USP50: variants seen among roughly 807,000 people sequenced by gnomAD.
The protein encoded by USP50 is ubiquitin specific peptidase 50.
In USP50, 37 loss-of-function variants were observed where a neutral mutation model predicts 39.2. That is an observed-to-expected ratio of 0.94 (90% CI 0.73 to 1.24). The LOEUF is 1.24. Ranked by LOEUF, USP50 falls within the 50% of genes most tolerant of loss-of-function variation. USP50 has a pLI of 0.00. For missense variants in USP50, 374 were observed against 398.2 expected (o/e 0.94, Z 0.52); for synonymous variants, 139 against 144.5 (o/e 0.96, Z 0.27).
Position 50,543,729 on chromosome 15 carries a change from C to T in USP50, c.313G>A (p.Asp105Asn). The change falls in exon 3 of 7, where the codon GAC (aspartate) becomes AAC (asparagine). Residue 105 changes from aspartate to asparagine, a missense_variant. By Grantham distance (23) the Asp-to-Asn change is conservative. Transcript: ENST00000532404. Reference protein sequence around the residue: ...LMTDMWLGDSDCVSPEIFWSA... With the variant: ...LMTDMWLGDSNCVSPEIFWSA... ...CAGAATATTTCTGGTGAGACACAGT[C>T]TGAGTCTCCCAGCCACATGTCTGTC... 2 of 1,611,036 alleles carry T rather than the reference C, an allele frequency of 1.2e-6. No homozygotes were observed. The highest frequency in any genetic ancestry group is 1.7e-6 in the Non-Finnish European group (2 of 1,178,432).
chr15:50,543,793 G>A lies in USP50; in HGVS notation c.249C>T (p.Asn83=), dbSNP rs1412495845. The stretch of plus-strand genomic sequence containing the variant: ...AAGCAGTGGCAACTTCACTGCAATC[G>A]CTTGGAAGAAGAAAGGGATATGTTT... The part of the protein sequence containing the change: ...LTGKYITALQ[N]DCSEVATAFA... The change falls in exon 3 of 7, where the codon AAC becomes AAT. Residue 83 remains asparagine, a splice_region_variant and synonymous_variant. Coordinates refer to ENST00000532404, the MANE Select transcript of USP50 (RefSeq NM_203494.5). 1.3e-5 allele frequency: 21 copies of A among 1,605,162 alleles called. No homozygotes were observed. The highest frequency in any genetic ancestry group is 2.2e-5 in the East Asian group (1 of 44,772).
intron 1 of USP50, among the ~76,000 whole-genome samples, chr15:50,495,482 T>C (rs981112563): frequency 3.8e-5 from 4 of 104,842 alleles, no homozygotes; most frequent in African/African-American, 1.3e-4. Context: ...TTAGTAGAGA[T>C]TGGAGGGGGG....
chr15:50,494,867 T>C (rs957644702), intron 1 of USP50, among the ~76,000 whole-genome samples: 1 of 152,076 alleles, frequency 6.6e-6, no homozygotes, highest in Non-Finnish European at 1.5e-5. Flanking sequence ...ATACAAAAAT[T>C]GGCTGGGTGT....
chr15:50,506,750 G>T (rs1206314440), intron 6 of USP50: 1 of 151,690 alleles, frequency 6.6e-6, no homozygotes, highest in East Asian at 1.9e-4. Context: ...ACGAGGTCAG[G>T]AGATCAAGAC....
chr15:50,546,048 C>A (rs2053068523), intron 1 of USP50, among the ~76,000 whole-genome samples: 1 of 151,648 alleles, frequency 6.6e-6, no homozygotes, highest in Non-Finnish European at 1.5e-5. Context: ...ACGGGACCTC[C>A]TCTCCCTGCA....
chr15:50,504,788 G>C (rs2052635190), intron 6 of USP50: 1 of 151,548 alleles, frequency 6.6e-6, no homozygotes, highest in Non-Finnish European at 1.5e-5. Context: ...GACCAACCTG[G>C]TACACATGGT....
At position 50,541,014 on chromosome 15, in the gene USP50, G is replaced by A. The variant is rs761883721; in HGVS notation, c.660+35C>T. 5 of 1,534,808 alleles carry A rather than the reference G, an allele frequency of 3.3e-6. No homozygotes were observed. In the African/African-American group the frequency reaches 5.5e-5, roughly 17 times the overall value. On this transcript the variant is annotated intron_variant, in intron 4 of 6. Transcript: ENST00000532404. Reference sequence around the variant, plus strand: ...GAGAAAATCCGGGGCTGAGAGTATAGCGAGACAAAGTGTCCAGGAATACTG... The same window carrying A: ...GAGAAAATCCGGGGCTGAGAGTATAACGAGACAAAGTGTCCAGGAATACTG...
chr15:50,539,853 C>A (rs1200756399), intron 4 of USP50, among the ~76,000 whole-genome samples: 1 of 152,190 alleles, frequency 6.6e-6, no homozygotes, highest in Non-Finnish European at 1.5e-5. Flanking sequence ...ATAAATTAGA[C>A]CCCATATCCA....
At chr15:50,496,680 A>T (rs1051031797), downstream of USP50, among the ~76,000 whole-genome samples, 8 of 152,182 alleles carry the variant, frequency 5.3e-5, no homozygotes, top group African/African-American at 1.9e-4. Context: ...CTGTTGACTA[A>T]CTTAGGCCTA....
Position 50,541,015 on chromosome 15 carries a change from C to T in USP50, c.660+34G>A, listed in dbSNP as rs151314970. 207 of 1,540,070 alleles carry T rather than the reference C, an allele frequency of 1.3e-4. 1 individual carries two copies. In the East Asian group the frequency reaches 2.9e-3, roughly 21 times the overall value. Reference sequence around the variant, plus strand: ...AGAAAATCCGGGGCTGAGAGTATAGCGAGACAAAGTGTCCAGGAATACTGC... The same window carrying T: ...AGAAAATCCGGGGCTGAGAGTATAGTGAGACAAAGTGTCCAGGAATACTGC... On this transcript the variant is annotated intron_variant, in intron 4 of 6. Coordinates refer to ENST00000532404, the MANE Select transcript of USP50 (RefSeq NM_203494.5).
chr15:50,541,507 T>C (rs971920554), intron 3 of USP50, among the ~76,000 whole-genome samples: 7 of 151,762 alleles, frequency 4.6e-5, no homozygotes, highest in African/African-American at 1.7e-4. Context: ...AGTGAGACCA[T>C]GTTTCCAAAA....
intron 4 of USP50, among the ~76,000 whole-genome samples, 156 bp downstream of exon 4, chr15:50,540,893 G>A (rs768163872): frequency 2.6e-5 from 4 of 152,006 alleles, no homozygotes; most frequent in Non-Finnish European, 5.9e-5. Context: ...AAAAGTGCTC[G>A]GATTACAGGC....
intron 6 of USP50, among the ~76,000 whole-genome samples, chr15:50,528,404 A>G (rs2052915789): frequency 6.6e-6 from 1 of 152,048 alleles, no homozygotes; most frequent in Non-Finnish European, 1.5e-5. Flanking sequence ...AGCCTCCACA[A>G]TTGCTGGAAT....
chr15:50,517,237 G>C (rs1041341144), intron 6 of USP50, among the ~76,000 whole-genome samples: 1 of 152,142 alleles, frequency 6.6e-6, no homozygotes, highest in Non-Finnish European at 1.5e-5. Context: ...TTAGGAGGCT[G>C]AGGCAGGTGG....
chr15:50,495,714 A>G (rs2052371218), downstream of USP50: 17 of 666,752 alleles, frequency 2.5e-5, no homozygotes. Context: ...TGCCACACTC[A>G]GTGAGATCAG....
At position 50,529,838 on chromosome 15, in the gene USP50, T is replaced by C. The variant is rs1397126811; in HGVS notation, c.895A>G (p.Ile299Val). ...NLDLTPYICS[I>V]FRKYPKYNLC... ...TTGTATTTAGGATATTTCCGGAAAA[T>C]TGAGCAAATATAAGGAGTGAGGTCC... The change falls in exon 6 of 7, where the codon ATT becomes GTT. Residue 299 changes from isoleucine to valine, a missense_variant. Transcript: ENST00000532404. 2 of 1,613,882 alleles carry C rather than the reference T, an allele frequency of 1.2e-6. No individual in the cohort carries two copies. Among genetic ancestry groups the C allele is most frequent in the Admixed American group, 1.7e-5 (1 of 59,988 alleles).
In USP50 at chr15:50,504,981, C is replaced by CA. The variant is rs773642840; in HGVS notation, c.937-4145dup. On this transcript the variant is annotated intron_variant, in intron 6 of 6. Transcript: ENST00000532404. ...TGGGTGACAGAGTGAGACTCCATCT[C>CA]AAAAAAAAAAAAAAAAGAATAAACT... is the stretch of plus-strand genomic sequence containing the variant. The CA allele has an allele frequency of 2.9e-3, 231 of 78,478 alleles. 2 individuals carry two copies. Among genetic ancestry groups the CA allele is most frequent in the Middle Eastern group, 0.016 (2 of 124 alleles). The allele number at this position is 78,478 out of a possible 1,614,324, so 4.9% of individuals were successfully genotyped here.
At position 50,529,874 on chromosome 15, in the gene USP50, G is replaced by A. The variant is rs571432071; in HGVS notation, c.859C>T (p.Leu287Phe). 1 of 1,614,010 alleles carries A rather than the reference G, an allele frequency of 6.2e-7. No homozygotes were observed. The highest frequency in any genetic ancestry group is 2.2e-5 in the East Asian group (1 of 44,880). ...TAAGGAGTGAGGTCCAAGTTAGTGA[G>A]TGGGTAATGAATATCCGTTCTCAGC... is the stretch of plus-strand genomic sequence containing the variant. ...RKLRTDIHYPLTNLDLTPYIC... is the reference protein window; with the variant it reads ...RKLRTDIHYPFTNLDLTPYIC... Residue 287 changes from leucine (L) to phenylalanine (F), a missense_variant, in exon 6 of 7, where the codon CTC becomes TTC. Transcript: ENST00000532404.
downstream of USP50, among the ~76,000 whole-genome samples, chr15:50,496,590 C>A (rs938184219): frequency 1.3e-5 from 2 of 150,928 alleles, no homozygotes; most frequent in Admixed American, 1.3e-4. Context: ...TTTAAAGATA[C>A]CTTTATTAAA....
Sources: allele counts gnomAD v4.1 joint callset (sites outside exome capture counted in the v4.1 genomes callset), GRCh38; gene constraint gnomAD v4.1.1; transcripts MANE v1.5; gene names NCBI Gene and HGNC (gene_info 2026-07-23, HGNC 2026-07-21).